REG3A: variants seen among roughly 807,000 people sequenced by gnomAD.
The protein encoded by REG3A is regenerating family member 3 alpha.
In REG3A, 15 loss-of-function variants were observed where a neutral mutation model predicts 20.5. The observed-to-expected ratio is 0.73, with a 90% confidence interval of 0.49 to 1.12. REG3A has a LOEUF of 1.12. Ranked by LOEUF, REG3A falls within the 50% of genes most tolerant of loss-of-function variation. REG3A has a pLI of 0.00. For missense variants in REG3A, 224 were observed against 213.1 expected, an observed-to-expected ratio of 1.05 and a Z score of -0.32; for synonymous variants, 93 against 83.2, an observed-to-expected ratio of 1.12 and a Z score of -0.64.
At position 79,158,728 on chromosome 2, in the gene REG3A, AGCG is replaced by A; in HGVS notation, c.115_117del (p.Arg39del). On this transcript the variant is annotated inframe_deletion, in exon 3 of 6. Coordinates refer to ENST00000305165, the MANE Select transcript of REG3A (RefSeq NM_002580.3). ...CCATAGGCCTTGGAGCCTTTGGGAC[AGCG>A]GATCCGTGCAGAGGGCAGTTCCCTC... 2 of 1,613,720 alleles carry A rather than the reference AGCG, an allele frequency of 1.2e-6. No individual in the cohort carries two copies. Among genetic ancestry groups the A allele is most frequent in the Non-Finnish European group, 1.7e-6 (2 of 1,179,852 alleles).
Position 79,157,646 on chromosome 2 carries a change from T to G in REG3A, c.386A>C (p.Asn129Thr), listed in dbSNP as rs766492988. ...GGGATTTCTCTCCCATGCAAAGTAA[T>G]TCATCACATCACTGCTACTCCACTC... ...GWEWSSSDVMNYFAWERNPST... is the reference protein window; with the variant it reads ...GWEWSSSDVMTYFAWERNPST... Residue 129 changes from asparagine (N) to threonine (T), a missense_variant, in exon 5 of 6, where the codon AAT (asparagine) becomes ACT (threonine). By Grantham distance (65) the Asn-to-Thr change is moderately conservative. Coordinates refer to ENST00000305165, the MANE Select transcript of REG3A (RefSeq NM_002580.3). The G allele has an allele frequency of 6.2e-7, 1 of 1,614,132 alleles. No homozygotes were observed. Among genetic ancestry groups the G allele is most frequent in the Non-Finnish European group, 8.5e-7 (1 of 1,180,006 alleles).
In REG3A at chr2:79,157,640, A is replaced by G. The variant is rs768568662; in HGVS notation, c.392T>C (p.Phe131Ser). 5 of 1,614,006 alleles carry G rather than the reference A, an allele frequency of 3.1e-6. No individual in the cohort carries two copies. The highest frequency in any genetic ancestry group is 4.2e-6 in the Non-Finnish European group (5 of 1,180,028). ...GGTGGAGGGATTTCTCTCCCATGCA[A>G]AGTAATTCATCACATCACTGCTACT... ...EWSSSDVMNY[F>S]AWERNPSTIS... The change falls in exon 5 of 6, where the codon TTT becomes TCT. Residue 131 changes from phenylalanine (F) to serine (S), a missense_variant. Physicochemically the swap from Phe to Ser is radical, Grantham distance 155 (BLOSUM62 -2). Transcript: ENST00000305165.
rs1278630632 is a variant in REG3A at position 79,158,310 on chromosome 2, G to A, written c.333+16C>T. 2 of 1,611,548 alleles carry A rather than the reference G, an allele frequency of 1.2e-6. No homozygotes were observed. The highest frequency in any genetic ancestry group is 1.7e-6 in the Non-Finnish European group (2 of 1,178,748). Reference sequence around the variant, plus strand: ...GCACCTTGAGAGGTAACAGAGAGGGGAGGATATACTGGCACCTGTGTGGGG... The same window carrying A: ...GCACCTTGAGAGGTAACAGAGAGGGAAGGATATACTGGCACCTGTGTGGGG... On this transcript the variant is annotated intron_variant, in intron 4 of 5. Coordinates refer to ENST00000305165, the MANE Select transcript of REG3A (RefSeq NM_002580.3).
At chr2:79,159,254 C>G in intron 2 of REG3A, 76 bp downstream of exon 2, 1 of 1,473,954 alleles carries the variant, frequency 6.8e-7, no homozygotes. Flanking sequence ...CCTCACATGA[C>G]ACACAGGAGC....
chr2:79,159,705 A>T, intron 1 of REG3A, 23 bp downstream of exon 1: 1 of 336,702 alleles, frequency 3.0e-6, no homozygotes, highest in Admixed American at 3.8e-5. Flanking sequence ...CCTGGGTCTC[A>T]TCTTCTCTCA....
At chr2:79,157,786 C>T (rs1374132027) in intron 4 of REG3A, 88 bp from the exon 5 acceptor site, 2 of 1,513,530 alleles carry the variant, frequency 1.3e-6, no homozygotes, top group Non-Finnish European at 1.8e-6. Context: ...CTGATTTGCT[C>T]CCCAGCATGA....
intron 2 of REG3A, 56 bp downstream of exon 2, chr2:79,159,274 C>A: frequency 3.2e-6 from 5 of 1,575,268 alleles, no homozygotes; most frequent in Non-Finnish European, 4.4e-6. Flanking sequence ...CCTTCCTCCT[C>A]TTGTTAGCTC....
rs1205285617 is a variant in REG3A at position 79,159,459 on chromosome 2, TGG to T, written c.-34-22_-34-21del. Reference sequence around the variant, plus strand: ...GAGTCACTAAAGAAAGCGTGGTCAGTGGGAGAACACACAGATACCCCACTGCC... The same window carrying T: ...GAGTCACTAAAGAAAGCGTGGTCAGTGAGAACACACAGATACCCCACTGCC... On this transcript the variant is annotated intron_variant, in intron 1 of 5. Coordinates refer to ENST00000305165, the MANE Select transcript of REG3A (RefSeq NM_002580.3). 1.3e-6 allele frequency: 2 copies of T among 1,568,554 alleles called. No homozygotes were observed. The highest frequency in any genetic ancestry group is 2.2e-5 in the East Asian group (1 of 44,600).
At position 79,158,683 on chromosome 2, in the gene REG3A, A is replaced by T. The variant is rs748177286; in HGVS notation, c.163T>A (p.Phe55Ile). The T allele has an allele frequency of 6.2e-6, 10 of 1,614,164 alleles. No individual in the cohort carries two copies. The South Asian group carries it at 6.6e-5, about 11-fold the overall frequency. The change falls in exon 3 of 6, where the codon TTT becomes ATT. Residue 55 changes from phenylalanine (F) to isoleucine (I), a missense_variant. Transcript: ENST00000305165. ...KAYGSHCYAL[F>I]LSPKSWTDAD... ...TCTGTCCAGGATTTTGGTGACAAAA[A>T]CAAGGCATAGCAGTGGGAGCCATAG...
At position 79,158,768 on chromosome 2, in the gene REG3A, A is replaced by G. The variant is rs924182506; in HGVS notation, c.78T>C (p.Gly26=). Residue 26 remains glycine, a splice_region_variant and synonymous_variant, in exon 3 of 6, where the codon GGT becomes GGC. Transcript: ENST00000305165. ...SCLMLLSQVQ[G]EEPQRELPSA... ...AGGGCAGTTCCCTCTGGGGTTCTTC[A>G]CCTGAGGTGGAAGAAGAGGGGGGAG... 1 of 1,610,388 alleles carries G rather than the reference A, an allele frequency of 6.2e-7. No homozygotes were observed. The highest frequency in any genetic ancestry group is 2.2e-5 in the East Asian group (1 of 44,760).
intron 5 of REG3A, 107 bp from the exon 6 acceptor site, chr2:79,157,400 C>T: frequency 7.0e-7 from 1 of 1,437,390 alleles, no homozygotes; most frequent in African/African-American, 1.4e-5. Context: ...CCCTCACCTT[C>T]ACCAGTGTCC....
chr2:79,159,689 C>A, intron 1 of REG3A, 39 bp downstream of exon 1: 1 of 382,534 alleles, frequency 2.6e-6, no homozygotes, highest in Non-Finnish European at 4.9e-6. Flanking sequence ...TGTGCAGTAG[C>A]TCCTCCCTGG....
chr2:79,157,052 C>A lies in REG3A; in HGVS notation c.*174G>T. 1.6e-6 allele frequency: 1 copy of A among 627,188 alleles called. No individual in the cohort carries two copies. The highest frequency in any genetic ancestry group is 2.0e-5 in the South Asian group (1 of 50,784). The allele number at this position is 627,188 out of a possible 1,614,324, so 38.9% of individuals were successfully genotyped here. A position where few individuals can be genotyped will look rare whatever the true frequency, so the allele number is the denominator to read the frequency against. On this transcript the variant is annotated 3_prime_UTR_variant, in exon 6 of 6. Transcript: ENST00000305165. ...CTCTTTAAAGCCTTAGGCCGTATGA[C>A]AAAATGAAGAGACTGAAATGACAGC... is the stretch of plus-strand genomic sequence containing the variant.
chr2:79,157,779 A>G, intron 4 of REG3A, 81 bp from the exon 5 acceptor site: 1 of 1,533,038 alleles, frequency 6.5e-7, no homozygotes, highest in Non-Finnish European at 8.8e-7. Context: ...GCAACACCTG[A>G]TTTGCTCCCC....
chr2:79,159,066 TCCAGTGTATATTAGAGTCCACTTTCCCA>T, intron 2 of REG3A: 3 of 579,366 alleles, frequency 5.2e-6, no homozygotes, highest in Non-Finnish European at 3.1e-6. Flanking sequence ...TTACTGACCC[TCCAGTGTATATTAGAGTCCACTTTCCCA>T]CCAGTGTATA....
intron 4 of REG3A, 45 bp from the exon 5 acceptor site, chr2:79,157,743 A>C (rs772027617): frequency 6.3e-7 from 1 of 1,593,120 alleles, no homozygotes; most frequent in African/African-American, 1.3e-5. Context: ...TGGCCATTGC[A>C]GCTCTTCTTG....
rs1673339902 is a variant in REG3A, at chr2:79,157,466, C to A, written c.460+106G>T. On this transcript the variant is annotated intron_variant, in intron 5 of 5. Coordinates refer to ENST00000305165, the MANE Select transcript of REG3A (RefSeq NM_002580.3). Reference sequence around the variant, plus strand: ...AGAAGAGAGGAGATAAGAGAAGACACACTAACATTGTATTTTCTAGCTCAG... The same window carrying A: ...AGAAGAGAGGAGATAAGAGAAGACAAACTAACATTGTATTTTCTAGCTCAG... 3 of 1,520,188 alleles carry A rather than the reference C, an allele frequency of 2.0e-6. No individual in the cohort carries two copies. In the East Asian group the frequency reaches 6.8e-5, roughly 34 times the overall value. The allele number at this position is 1,520,188 out of a possible 1,614,324, so 94.2% of individuals were successfully genotyped here.
At position 79,157,577 on chromosome 2, in the gene REG3A, C is replaced by T. The variant is rs1673342028; in HGVS notation, c.455G>A (p.Ser152Asn). ...GCAGCTCCTCTGTTTCTTACCTGTG[C>T]TTCTCGACAGGCTCGCACAGTGGCC... The part of the protein sequence containing the change: ...SPGHCASLSR[S>N]TAFLRWKDYN... The change falls in exon 5 of 6, where the codon AGC becomes AAC. Residue 152 changes from serine (S) to asparagine (N), a missense_variant. Transcript: ENST00000305165. The T allele has an allele frequency of 1.6e-5, 26 of 1,613,854 alleles. No individual in the cohort carries two copies. The highest frequency in any genetic ancestry group is 2.1e-5 in the Non-Finnish European group (25 of 1,179,892).
chr2:79,159,190 G>A (rs1161830114), intron 2 of REG3A, 140 bp downstream of exon 2: 2 of 843,902 alleles, frequency 2.4e-6, no homozygotes, highest in Non-Finnish European at 1.9e-6. Flanking sequence ...TAACCTGAAG[G>A]AAGGAGAGAT....
Sources: allele counts gnomAD v4.1 joint callset, GRCh38; gene constraint gnomAD v4.1.1; transcripts MANE v1.5; gene names NCBI Gene and HGNC (gene_info 2026-07-23, HGNC 2026-07-21).